The following UACA variants were observed in gnomAD, a reference collection of about 807,000 sequenced individuals.
The protein encoded by UACA is uveal autoantigen with coiled-coil domains and ankyrin repeats, also known as nuclear membrane binding protein.
Under a neutral mutation model 160.5 loss-of-function variants are expected in UACA, and 112 were observed. That is an observed-to-expected ratio of 0.70 (90% CI 0.60 to 0.82). UACA has a LOEUF of 0.82. Among genes scored for constraint, UACA ranks in the 40% least tolerant of loss-of-function variants. The probability of loss-of-function intolerance (pLI) is 0.00; values close to 1 mark genes in which losing one functional copy is unlikely to be tolerated. For missense variants in UACA, 1,574 were observed against 1,614.6 expected (o/e 0.97, Z 0.43); for synonymous variants, 557 against 568.4 (o/e 0.98, Z 0.29).
chr15:70,667,914 T>G lies in UACA; in HGVS notation c.2770A>C (p.Ser924Arg). 1 of 1,614,020 alleles carries G rather than the reference T, an allele frequency of 6.2e-7. No homozygotes were observed. Among genetic ancestry groups the G allele is most frequent in the Non-Finnish European group, 8.5e-7 (1 of 1,179,978 alleles). The change falls in exon 16 of 19, where the codon AGC becomes CGC. Residue 924 changes from serine (S) to arginine (R), a missense_variant. Transcript: ENST00000322954. ...ATCTTTGCCTCGTGCTCTGCCAGGC[T>G]GATGTACTCAGCTTTTATTTGGTTC... ...TQNQIKAEYI[S>R]LAEHEAKMSS...
At chr15:70,747,133 A>G (rs1475555486) in intron 1 of UACA, among the ~76,000 whole-genome samples, 1 of 152,082 alleles carries the variant, frequency 6.6e-6, no homozygotes, top group Non-Finnish European at 1.5e-5. Flanking sequence ...ATAATTTTCA[A>G]AAAAAATGTA....
upstream of UACA, chr15:70,763,727 G>A (rs1595932337): frequency 3.3e-6 from 1 of 303,932 alleles, no homozygotes. Flanking sequence ...TTTAGCCCGG[G>A]AAGGGGCGGA....
chr15:70,710,263 G>C (rs1028478083), intron 1 of UACA, among the ~76,000 whole-genome samples: 1 of 151,952 alleles, frequency 6.6e-6, no homozygotes, highest in Non-Finnish European at 1.5e-5. Context: ...TCCAAAAAAT[G>C]AATAAAAATA....
In UACA at chr15:70,687,628, C is replaced by G; in HGVS notation, c.514G>C (p.Val172Leu). 2 of 1,613,916 alleles carry G rather than the reference C, an allele frequency of 1.2e-6. No homozygotes were observed. The highest frequency in any genetic ancestry group is 1.7e-6 in the Non-Finnish European group (2 of 1,179,834). The change falls in exon 7 of 19, where the codon GTT (valine) becomes CTT (leucine). Residue 172 changes from valine to leucine, a missense_variant. Val to Leu is a conservative substitution (Grantham distance 32). Coordinates refer to ENST00000322954, the MANE Select transcript of UACA (RefSeq NM_018003.4). ...AKDVDGRTPL[V>L]LATQMSRPTI... ...GGCCTACTCATCTGAGTAGCCAGAA[C>G]AAGTGGTGTCCGCCCGTCCTAAGCA...
At chr15:70,673,074 C>A (rs886859585) in intron 13 of UACA, among the ~76,000 whole-genome samples, 8 of 151,978 alleles carry the variant, frequency 5.3e-5, no homozygotes, top group Middle Eastern at 3.4e-3. Context: ...CCAGCCTGGG[C>A]AACAAGAGTG....
At chr15:70,750,880 G>A (rs557117182) in intron 1 of UACA, among the ~76,000 whole-genome samples, 1 of 152,308 alleles carries the variant, frequency 6.6e-6, no homozygotes, top group South Asian at 2.1e-4. Flanking sequence ...CTAGAGAAGA[G>A]TAGGTGGAAA....
chr15:70,719,870 A>C (rs371488402), intron 1 of UACA, among the ~76,000 whole-genome samples: 11 of 152,322 alleles, frequency 7.2e-5, no homozygotes, highest in African/African-American at 2.6e-4. Context: ...TTTATCCAGT[A>C]AGATTTTCAT....
chr15:70,662,350 T>G (rs974883150), intron 17 of UACA, among the ~76,000 whole-genome samples: 3 of 152,018 alleles, frequency 2.0e-5, no homozygotes, highest in Admixed American at 6.6e-5. Context: ...CACTGCTCAA[T>G]GAAATAAAAG....
At chr15:70,687,949 A>C in intron 5 of UACA, 129 bp from the exon 6 acceptor site, 2 of 800,074 alleles carry the variant, frequency 2.5e-6, no homozygotes, top group Admixed American at 5.4e-5. Context: ...CTTCACTCTT[A>C]GTTTAGCATT....
In UACA at chr15:70,663,873, G is replaced by A. The variant is rs1896809629; in HGVS notation, c.4113+789C>T. Among the ~76,000 whole-genome samples, 11 of 107,530 alleles carry A rather than the reference G, an allele frequency of 1.0e-4. No homozygotes were observed. In the Admixed American group the frequency reaches 1.4e-3, roughly 14 times the overall value. 70.5% of individuals were successfully genotyped at this position (107,530 alleles called of 152,430 possible). On this transcript the variant is annotated intron_variant, in intron 17 of 18. Coordinates refer to ENST00000322954, the MANE Select transcript of UACA (RefSeq NM_018003.4). ...ATCACACACTGGGGCCTGTTGTGGG[G>A]TGGGGGGAGGGGGGAGGGATAGCAT...
At chr15:70,753,635 T>C (rs747201521) in intron 1 of UACA, among the ~76,000 whole-genome samples, 12 of 152,186 alleles carry the variant, frequency 7.9e-5, no homozygotes, top group East Asian at 1.9e-4. Context: ...GCGGTGAGGA[T>C]TGAGTTACTA....
chr15:70,684,334 A>G lies in UACA; in HGVS notation c.715T>C (p.Tyr239His). 1 of 1,613,808 alleles carries G rather than the reference A, an allele frequency of 6.2e-7. No homozygotes were observed. Among genetic ancestry groups the G allele is most frequent in the East Asian group, 2.2e-5 (1 of 44,856 alleles). ...LDALGHDSSY[Y>H]ARIGDNLDIL... The stretch of plus-strand genomic sequence containing the variant: ...TCCAGATTGTCACCAATTCTTGCAT[A>G]GTAAGAACTATCATGGCCAAGCGCA... The change falls in exon 8 of 19, where the codon TAT becomes CAT. Residue 239 changes from tyrosine (Y) to histidine (H), a missense_variant. Coordinates refer to ENST00000322954, the MANE Select transcript of UACA (RefSeq NM_018003.4).
chr15:70,726,240 A>ATT (rs1324259089), intron 1 of UACA, among the ~76,000 whole-genome samples: 1 of 152,104 alleles, frequency 6.6e-6, no homozygotes, highest in Non-Finnish European at 1.5e-5. Context: ...TCCAATCAAG[A>ATT]TTGAGTTTCT....
intron 1 of UACA, among the ~76,000 whole-genome samples, chr15:70,741,057 TAAA>T (rs1419138995): frequency 1.3e-5 from 2 of 150,866 alleles, no homozygotes; most frequent in Non-Finnish European, 3.0e-5. Context: ...TAAAATAAAA[TAAA>T]AATAAAAAGG....
chr15:70,699,725 G>GA, intron 1 of UACA, 65 bp from the exon 2 acceptor site: 1 of 1,557,150 alleles, frequency 6.4e-7, no homozygotes, highest in Non-Finnish European at 8.7e-7. Context: ...TCTAAAGAAA[G>GA]AAAAAAGAGA....
chr15:70,682,679 G>C, intron 9 of UACA, 79 bp downstream of exon 9: 1 of 807,610 alleles, frequency 1.2e-6, no homozygotes, highest in East Asian at 3.2e-5. Flanking sequence ...GAATAGTTAT[G>C]CTAACTATTA....
At position 70,690,183 on chromosome 15, in the gene UACA, A is replaced by C. The variant is rs183971052; in HGVS notation, c.424+271T>G. On this transcript the variant is annotated intron_variant, in intron 5 of 18. Transcript: ENST00000322954. ...CTCTCTCTCTCTCTCACACACACACACACACAGCTTGGAGCTCCTTGTGAG... is the reference window on the plus strand; with the variant it reads ...CTCTCTCTCTCTCTCACACACACACCCACACAGCTTGGAGCTCCTTGTGAG... 5.5e-4 allele frequency among the ~76,000 whole-genome samples: 84 copies of C among 152,018 alleles called. No homozygotes were observed. Among genetic ancestry groups the C allele is most frequent in the African/African-American group, 2.0e-3 (83 of 41,466 alleles).
intron 18 of UACA, among the ~76,000 whole-genome samples, chr15:70,658,127 C>G (rs1896550260): frequency 6.6e-6 from 1 of 151,994 alleles, no homozygotes; most frequent in East Asian, 1.9e-4. Flanking sequence ...TTTAAAAAAC[C>G]CATATTTATG....
intron 8 of UACA, among the ~76,000 whole-genome samples, chr15:70,683,674 A>G (rs1897597255): frequency 6.6e-6 from 1 of 152,132 alleles, no homozygotes. Flanking sequence ...TTTGAGGGAA[A>G]GGCCTTCAAA....
Sources: allele counts gnomAD v4.1 joint callset (sites outside exome capture counted in the v4.1 genomes callset), GRCh38; gene constraint gnomAD v4.1.1; transcripts MANE v1.5; gene names NCBI Gene and HGNC (gene_info 2026-07-23, HGNC 2026-07-21).